The following TRPC4 variants were observed in gnomAD, a reference collection of about 807,000 sequenced individuals.
TRPC4 encodes the protein short transient receptor potential channel 4.
A neutral mutation model predicts 99.4 loss-of-function variants in TRPC4; 49 were observed. The observed-to-expected ratio is 0.49, with a 90% CI of 0.39 to 0.63. TRPC4 has a LOEUF of 0.63. Among genes scored for constraint, TRPC4 ranks in the 20% least tolerant of loss-of-function variants. The pLI is 0.00. For synonymous variants in TRPC4, 454 were observed against 425.9 expected (o/e 1.07, Z -0.81); for missense variants, 898 against 1,152.9 (o/e 0.78, Z 3.20).
chr13:37,723,405 TG>T (rs1379596224), intron 3 of TRPC4, among the ~76,000 whole-genome samples: 1 of 152,082 alleles, frequency 6.6e-6, no homozygotes, highest in East Asian at 1.9e-4. Context: ...AAATGGCTAA[TG>T]AAAAAAATAT....
chr13:37,663,660 C>G lies in TRPC4; in HGVS notation c.1444G>C (p.Ala482Pro), dbSNP rs1482617180. The G allele has an allele frequency of 6.2e-7, 1 of 1,614,002 alleles. No individual in the cohort carries two copies. The highest frequency in any genetic ancestry group is 1.7e-5 in the Admixed American group (1 of 60,008). ...HPTLVAEALF[A>P]IANIFSSLRL... Reference sequence around the variant, plus strand: ...AGAGAACTGAAGATGTTTGCAATAGCAAATAAAGCCTCTGCCACCAGAGTG... The same window carrying G: ...AGAGAACTGAAGATGTTTGCAATAGGAAATAAAGCCTCTGCCACCAGAGTG... The change falls in exon 6 of 11, where the codon GCT (alanine) becomes CCT (proline). Residue 482 changes from alanine to proline, a missense_variant. This residue lies in a region of TRPC4 where 274 missense variants were observed against 454.9 expected (regional missense o/e 0.60). Coordinates refer to ENST00000379705, the MANE Select transcript of TRPC4 (RefSeq NM_016179.4).
chr13:37,639,776 T>C (rs184919016), intron 8 of TRPC4, among the ~76,000 whole-genome samples: 322 of 150,748 alleles, frequency 2.1e-3, no homozygotes, highest in African/African-American at 7.7e-3. Context: ...CAATCATATA[T>C]ACAGTAAGAG....
intron 1 of TRPC4, among the ~76,000 whole-genome samples, chr13:37,829,209 G>A (rs1392729848): frequency 6.6e-6 from 1 of 152,126 alleles, no homozygotes; most frequent in African/African-American, 2.4e-5. Context: ...TGCAAATCAT[G>A]TCTACCAAAG....
intron 1 of TRPC4, among the ~76,000 whole-genome samples, chr13:37,808,104 G>T (rs1479983569): frequency 6.6e-6 from 1 of 151,976 alleles, no homozygotes; most frequent in Non-Finnish European, 1.5e-5. Flanking sequence ...TTTAAAGAAA[G>T]AAATGAACAT....
chr13:37,852,681 C>T (rs1959089359), intron 1 of TRPC4, among the ~76,000 whole-genome samples: 1 of 152,154 alleles, frequency 6.6e-6, no homozygotes, highest in Admixed American at 6.5e-5. Flanking sequence ...TGAGTCCAGG[C>T]CCGGGCTCCT....
chr13:37,812,344 GA>G (rs139079433), intron 1 of TRPC4, among the ~76,000 whole-genome samples: 9,259 of 150,922 alleles, frequency 0.061, 657 homozygotes, highest in African/African-American at 0.18. Context: ...ATATAAGTAT[GA>G]AAAAAAATAC....
At chr13:37,864,750 A>C (rs574396602) in intron 1 of TRPC4, among the ~76,000 whole-genome samples, 3 of 151,768 alleles carry the variant, frequency 2.0e-5, no homozygotes, top group African/African-American at 7.2e-5. Flanking sequence ...ATCTGGAGAA[A>C]TGAAGGAAAC....
chr13:37,700,028 G>A (rs967170347), intron 3 of TRPC4, among the ~76,000 whole-genome samples: 2 of 152,182 alleles, frequency 1.3e-5, no homozygotes, highest in Non-Finnish European at 2.9e-5. Flanking sequence ...TTAGGTGGTA[G>A]GAAGGTCGAG....
chr13:37,850,391 A>G (rs1346259805), intron 1 of TRPC4, among the ~76,000 whole-genome samples: 2 of 152,194 alleles, frequency 1.3e-5, no homozygotes. Context: ...TTTATCTACA[A>G]TTTGTTATTT....
chr13:37,650,220 A>AT (rs199795112), intron 8 of TRPC4, among the ~76,000 whole-genome samples: 8 of 151,620 alleles, frequency 5.3e-5, no homozygotes, highest in Non-Finnish European at 7.4e-5. Context: ...ACAAATTAAT[A>AT]TTTTTTTATT....
At position 37,777,557 on chromosome 13, in the gene TRPC4, A is replaced by G. The variant is rs1454502096; in HGVS notation, c.378+5399T>C. On this transcript the variant is annotated intron_variant, in intron 2 of 10. Coordinates refer to ENST00000379705, the MANE Select transcript of TRPC4 (RefSeq NM_016179.4). The stretch of plus-strand genomic sequence containing the variant: ...CAACATGAGATTTGGGTGGGGACAC[A>G]GAGCCACACCATATCAACAATGGTG... Among the ~76,000 whole-genome samples, 5 of 151,914 alleles carry G rather than the reference A, an allele frequency of 3.3e-5. No individual in the cohort carries two copies. The South Asian group carries it at 1.0e-3, about 32-fold the overall frequency.
intron 6 of TRPC4, among the ~76,000 whole-genome samples, chr13:37,658,320 G>T (rs1310140947): frequency 6.6e-6 from 1 of 152,096 alleles, no homozygotes; most frequent in Admixed American, 6.6e-5. Context: ...CCTAATGATA[G>T]CATTTTATCT....
intron 2 of TRPC4, among the ~76,000 whole-genome samples, chr13:37,774,415 T>C (rs1956643831): frequency 6.6e-6 from 1 of 151,764 alleles, no homozygotes; most frequent in African/African-American, 2.4e-5. Context: ...AAAAAACGAG[T>C]GTATAAAACA....
intron 1 of TRPC4, among the ~76,000 whole-genome samples, chr13:37,857,879 C>G (rs570845765): frequency 6.6e-6 from 1 of 151,570 alleles, no homozygotes. Flanking sequence ...AGTAATACCC[C>G]GCAAGCATAG....
At chr13:37,741,921 C>G in intron 3 of TRPC4, among the ~76,000 whole-genome samples, 1 of 109,324 alleles carries the variant, frequency 9.1e-6, no homozygotes, top group South Asian at 3.0e-4. Flanking sequence ...CTCTGTGACT[C>G]CGATTTTTTC....
chr13:37,665,343 G>A (rs746762712), intron 5 of TRPC4, among the ~76,000 whole-genome samples: 53 of 152,066 alleles, frequency 3.5e-4, no homozygotes, highest in Non-Finnish European at 6.6e-4. Flanking sequence ...CCCTATGTTG[G>A]TAGCTAATTA....
intron 3 of TRPC4, among the ~76,000 whole-genome samples, chr13:37,706,838 A>G (rs1378888378): frequency 6.6e-6 from 1 of 152,198 alleles, no homozygotes; most frequent in Non-Finnish European, 1.5e-5. Flanking sequence ...TCAAGGAAAT[A>G]CATTTCAGAG....
intron 6 of TRPC4, 73 bp from the exon 7 acceptor site, chr13:37,655,356 T>G (rs1345713941): frequency 1.5e-6 from 1 of 674,556 alleles, no homozygotes; most frequent in East Asian, 4.2e-5. Context: ...ACAATAAAGC[T>G]TGGCATGATT....
intron 5 of TRPC4, among the ~76,000 whole-genome samples, chr13:37,672,798 C>A (rs1376114249): frequency 6.6e-6 from 1 of 152,092 alleles, no homozygotes; most frequent in Non-Finnish European, 1.5e-5. Context: ...GGTCATTAAC[C>A]TCAATGCATT....
Sources: gnomAD v4.1 joint callset for allele counts (sites outside exome capture counted in the v4.1 genomes callset) on GRCh38, gnomAD v4.1.1 for gene constraint, gnomAD v4.1.1 regional missense constraint, MANE v1.5 for transcripts, NCBI Gene and HGNC (gene_info 2026-07-23, HGNC 2026-07-21) for gene names.